The following FKBP9 variants were observed in gnomAD, a reference collection of about 807,000 sequenced individuals.
FKBP9 encodes the protein FKBP prolyl isomerase 9.
Under a neutral mutation model 55.6 loss-of-function variants are expected in FKBP9, and 27 were observed. The observed-to-expected ratio is 0.49, with a 90% confidence interval of 0.36 to 0.67. FKBP9 has a LOEUF of 0.67. Ranked by LOEUF, FKBP9 falls within the 30% of genes least tolerant of loss-of-function variation. The pLI, the probability that FKBP9 is intolerant of heterozygous loss-of-function variation, is 0.00. For synonymous variants in FKBP9, 267 were observed against 296.5 expected (o/e 0.90, Z 1.02); for missense variants, 539 against 742.8 (o/e 0.73, Z 3.19).
intron 1 of FKBP9, among the ~76,000 whole-genome samples, chr7:32,962,542 C>T (rs1423631860): frequency 2.6e-5 from 4 of 152,088 alleles, no homozygotes; most frequent in African/African-American, 9.6e-5. Context: ...GATGCAGTCT[C>T]ACATCACTGC....
Position 32,996,148 on chromosome 7 carries a change from GT to G in FKBP9, c.1040-14del, listed in dbSNP as rs1562574535. The G allele has an allele frequency of 6.2e-7, 1 of 1,613,006 alleles. No individual in the cohort carries two copies. Among genetic ancestry groups the G allele is most frequent in the East Asian group, 2.2e-5 (1 of 44,872 alleles). ...TGCAGGGGTCATTCATTAATTCCCC[GT>G]GTCTGTCCTTTAGGGAATATCCCCG... is the stretch of plus-strand genomic sequence containing the variant. On this transcript the variant is annotated splice_polypyrimidine_tract_variant and intron_variant, in intron 6 of 9. Transcript: ENST00000242209.
At chr7:32,981,755 CG>C (rs1220846281) in intron 5 of FKBP9, among the ~76,000 whole-genome samples, 1 of 151,760 alleles carries the variant, frequency 6.6e-6, no homozygotes, top group Admixed American at 6.6e-5. Flanking sequence ...ATTAGCCAGG[CG>C]TGCACTGGCG....
At chr7:32,957,912 T>C (rs1478131940) in intron 1 of FKBP9, 118 bp downstream of exon 1, 3 of 769,852 alleles carry the variant, frequency 3.9e-6, no homozygotes, top group Admixed American at 4.3e-5. Flanking sequence ...CGCTCCTCCC[T>C]TCTTCCGCTG....
chr7:32,990,996 C>T (rs1784670329), intron 6 of FKBP9, among the ~76,000 whole-genome samples: 1 of 152,164 alleles, frequency 6.6e-6, no homozygotes, highest in African/African-American at 2.4e-5. Flanking sequence ...ATCCATTCGA[C>T]AGGGCTTTCT....
rs1784958615 is a variant in FKBP9 at position 33,002,805 on chromosome 7, A to C, written c.1502A>C (p.Asp501Ala). 1 of 1,614,044 alleles carries C rather than the reference A, an allele frequency of 6.2e-7. No homozygotes were observed. Residue 501 changes from aspartate (D) to alanine (A), a missense_variant, in exon 9 of 10, where the codon GAC (aspartate) becomes GCC (alanine). Asp to Ala is a moderately radical substitution (Grantham distance 126). This residue lies in a region of FKBP9 where 102 missense variants were observed against 200.7 expected (regional missense o/e 0.51). Transcript: ENST00000242209. The part of the protein sequence containing the change: ...EVSPNLFEEI[D>A]KDGNGEVLLE... Reference sequence around the variant, plus strand: ...TCACCCAACCTCTTTGAAGAAATTGACAAGGATGGCAACGGAGAAGTCCTC... The same window carrying C: ...TCACCCAACCTCTTTGAAGAAATTGCCAAGGATGGCAACGGAGAAGTCCTC...
At chr7:32,997,320 C>T (rs1784836172) in intron 7 of FKBP9, among the ~76,000 whole-genome samples, 2 of 152,188 alleles carry the variant, frequency 1.3e-5, no homozygotes, top group Admixed American at 6.5e-5. Flanking sequence ...GATCCTCCTG[C>T]CTCAGTTTCC....
In FKBP9 at chr7:32,961,143, G is replaced by T. The variant is rs1302304894; in HGVS notation, c.221+3349G>T. Reference sequence around the variant, plus strand: ...AGAGAAGGTTTAACTATATATTTTTGTGTCTGTGTGTGGGGGAGGTTAGGA... The same window carrying T: ...AGAGAAGGTTTAACTATATATTTTTTTGTCTGTGTGTGGGGGAGGTTAGGA... On this transcript the variant is annotated intron_variant, in intron 1 of 9. Transcript: ENST00000242209. 2.6e-5 allele frequency among the ~76,000 whole-genome samples: 4 copies of T among 152,172 alleles called. No homozygotes were observed. In the East Asian group the frequency reaches 7.7e-4, roughly 29 times the overall value.
chr7:32,997,725 G>A (rs1398506617), intron 7 of FKBP9, among the ~76,000 whole-genome samples: 2 of 152,178 alleles, frequency 1.3e-5, no homozygotes, highest in African/African-American at 4.8e-5. Context: ...CTACTCATGA[G>A]GCTGAGGCAG....
chr7:33,001,493 C>T (rs1229108713), intron 8 of FKBP9, among the ~76,000 whole-genome samples: 1 of 151,686 alleles, frequency 6.6e-6, no homozygotes, highest in African/African-American at 2.4e-5. Context: ...CGAGATCGTG[C>T]CACTGTACTG....
At chr7:32,983,977 A>G (rs1022647768) in intron 5 of FKBP9, among the ~76,000 whole-genome samples, 3 of 152,202 alleles carry the variant, frequency 2.0e-5, no homozygotes, top group African/African-American at 7.2e-5. Flanking sequence ...GCTGCATATT[A>G]TTAAAAACAT....
intron 4 of FKBP9, among the ~76,000 whole-genome samples, chr7:32,979,161 C>T (rs1286973268): frequency 3.3e-5 from 5 of 151,792 alleles, no homozygotes; most frequent in African/African-American, 7.3e-5. Flanking sequence ...CCCAGCTACT[C>T]GGGAAGCTGA....
chr7:32,957,897 A>G, intron 1 of FKBP9, 103 bp downstream of exon 1: 1 of 888,640 alleles, frequency 1.1e-6, no homozygotes, highest in Non-Finnish European at 1.6e-6. Flanking sequence ...CGCCCCGTGC[A>G]GCCGCGCTCC....
chr7:32,996,629 C>T (rs6967814), intron 7 of FKBP9, among the ~76,000 whole-genome samples: 1 of 145,722 alleles, frequency 6.9e-6, no homozygotes, highest in Non-Finnish European at 1.5e-5. Context: ...TTCCTTCCTT[C>T]CTTCCTTCCT....
At position 32,957,804 on chromosome 7, in the gene FKBP9, C is replaced by T. The variant is rs756763989; in HGVS notation, c.221+10C>T. 1 of 1,431,188 alleles carries T rather than the reference C, an allele frequency of 7.0e-7. No individual in the cohort carries two copies. 88.7% of individuals were successfully genotyped at this position (1,431,188 alleles called of 1,614,324 possible). A position where few individuals can be genotyped will look rare whatever the true frequency, so the allele number is the denominator to read the frequency against. On this transcript the variant is annotated intron_variant, in intron 1 of 9. Coordinates refer to ENST00000242209, the MANE Select transcript of FKBP9 (RefSeq NM_007270.5). ...AGAAGTTCGACTCCAGGTACCGCGCCCTTGGCGCCCGGCGCGGCCTCAGCG... is the reference window on the plus strand; with the variant it reads ...AGAAGTTCGACTCCAGGTACCGCGCTCTTGGCGCCCGGCGCGGCCTCAGCG...
At chr7:32,999,759 T>A (rs1269965993) in intron 7 of FKBP9, among the ~76,000 whole-genome samples, 2 of 152,160 alleles carry the variant, frequency 1.3e-5, no homozygotes, top group Non-Finnish European at 2.9e-5. Context: ...GTTTTTGTTT[T>A]TGAGACAGAG....
intron 1 of FKBP9, among the ~76,000 whole-genome samples, chr7:32,959,563 T>G (rs1034876872): frequency 6.6e-6 from 1 of 152,156 alleles, no homozygotes; most frequent in African/African-American, 2.4e-5. Context: ...CAGAACATTT[T>G]CATCACCCCC....
intron 5 of FKBP9, among the ~76,000 whole-genome samples, chr7:32,981,024 C>G (rs1333691524): frequency 6.7e-6 from 1 of 148,574 alleles, no homozygotes; most frequent in African/African-American, 2.5e-5. Flanking sequence ...CGACTCCCAC[C>G]ATCCCCCTAT....
chr7:32,979,483 C>T (rs1378282438), intron 4 of FKBP9: 2 of 1,542,350 alleles, frequency 1.3e-6, no homozygotes, highest in African/African-American at 2.7e-5. Flanking sequence ...GAAGGAGATG[C>T]AGGGTGGGCT....
chr7:32,971,677 TCACAA>T (rs1784257675), intron 1 of FKBP9, among the ~76,000 whole-genome samples: 1 of 152,226 alleles, frequency 6.6e-6, no homozygotes, highest in Non-Finnish European at 1.5e-5. Flanking sequence ...AGATGGGATT[TCACAA>T]TGTTGCCCAA....
Sources: allele counts gnomAD v4.1 joint callset (sites outside exome capture counted in the v4.1 genomes callset), GRCh38; gene constraint gnomAD v4.1.1; regional missense constraint gnomAD v4.1.1; transcripts MANE v1.5; gene names NCBI Gene and HGNC (gene_info 2026-07-23, HGNC 2026-07-21).